The following UGT1A5 variants were observed in gnomAD, a reference collection of about 807,000 sequenced individuals.
UGT1A5 encodes the protein UDP glucuronosyltransferase family 1 member A5.
A neutral mutation model predicts 40.3 loss-of-function variants in UGT1A5; 29 were observed. That is an observed-to-expected ratio of 0.72 (90% CI 0.54 to 0.98). UGT1A5 has a LOEUF of 0.98. Among genes scored for constraint, UGT1A5 ranks in the 50% least tolerant of loss-of-function variants. The pLI, the probability that UGT1A5 is intolerant of heterozygous loss-of-function variation, is 0.00. For missense variants in UGT1A5, 678 were observed against 677.9 expected (o/e 1.00, Z 0.00); for synonymous variants, 257 against 262.5 (o/e 0.98, Z 0.20).
chr2:233,712,975 C>T lies in UGT1A5; in HGVS notation c.-17C>T, dbSNP rs558021110. The T allele has an allele frequency of 9.5e-5, 154 of 1,613,050 alleles. No individual in the cohort carries two copies. The highest frequency in any genetic ancestry group is 7.8e-4 in the Middle Eastern group (4 of 5,118). On this transcript the variant is annotated 5_prime_UTR_variant, in exon 1 of 5. Coordinates refer to ENST00000373414, the MANE Select transcript of UGT1A5 (RefSeq NM_019078.2). ...CAACGTGGGGTGGACAGTCAGCTGT[C>T]GGTGGCTTCTGCTGAGATGGCCACA...
rs767607575 is a variant in UGT1A5, at chr2:233,760,238, A to G, written c.868-6796A>G. ...GTGTATCGATTGGTTTTTGCCATATATATATATATAAGTAGGAGAGGGCGA... is the reference window on the plus strand; with the variant it reads ...GTGTATCGATTGGTTTTTGCCATATGTATATATATAAGTAGGAGAGGGCGA... On this transcript the variant is annotated intron_variant, in intron 1 of 4. Transcript: ENST00000373414. The G allele has an allele frequency of 3.7e-6, 6 of 1,606,676 alleles. No homozygotes were observed. Among genetic ancestry groups the G allele is most frequent in the Admixed American group, 3.3e-5 (2 of 59,932 alleles).
chr2:233,760,472 C>G lies in UGT1A5; in HGVS notation c.868-6562C>G, dbSNP rs1344623676. 2 of 1,614,230 alleles carry G rather than the reference C, an allele frequency of 1.2e-6. No individual in the cohort carries two copies. The highest frequency in any genetic ancestry group is 1.7e-6 in the Non-Finnish European group (2 of 1,180,034). ...GGACATGAAATAGTTGTCCTAGCACCTGACGCCTCGTTGTACATCAGAGAC... is the reference window on the plus strand; with the variant it reads ...GGACATGAAATAGTTGTCCTAGCACGTGACGCCTCGTTGTACATCAGAGAC... On this transcript the variant is annotated intron_variant, in intron 1 of 4. Coordinates refer to ENST00000373414, the MANE Select transcript of UGT1A5 (RefSeq NM_019078.2).
At chr2:233,730,703 G>A (rs1238430007) in intron 1 of UGT1A5, among the ~76,000 whole-genome samples, 8 of 152,058 alleles carry the variant, frequency 5.3e-5, no homozygotes, top group Non-Finnish European at 8.8e-5. Flanking sequence ...TCTTCTACTT[G>A]GAATGCTGAA....
rs28900406 is a variant in UGT1A5, at chr2:233,772,385, C to T, written c.1431C>T (p.Pro477=). Residue 477 remains proline (P), a synonymous_variant, in exon 5 of 5, where the codon CCC becomes CCT. Transcript: ENST00000373414. ...MRHKGAPHLR[P]AAHDLTWYQY... ...ACAAGGGCGCGCCACACCTGCGCCC[C>T]GCAGCCCACGACCTCACCTGGTACC... The T allele has an allele frequency of 7.5e-4, 1,213 of 1,614,246 alleles. 13 individuals are homozygous for T. The African/African-American group carries it at 0.014, about 19-fold the overall frequency.
intron 1 of UGT1A5, among the ~76,000 whole-genome samples, chr2:233,725,254 CA>C (rs1559370489): frequency 1.4e-5 from 1 of 71,856 alleles, no homozygotes; most frequent in Non-Finnish European, 2.5e-5. Flanking sequence ...GCAGAGGAGG[CA>C]GAGGCAGAGG....
intron 1 of UGT1A5, among the ~76,000 whole-genome samples, chr2:233,737,688 T>C (rs2078910745): frequency 6.6e-6 from 1 of 152,202 alleles, no homozygotes; most frequent in Non-Finnish European, 1.5e-5. Context: ...TGGCCATTGG[T>C]GCTGAAGCTT....
chr2:233,747,613 A>T, intron 1 of UGT1A5: 1 of 1,574,722 alleles, frequency 6.4e-7, no homozygotes, highest in Non-Finnish European at 8.7e-7. Context: ...CTACTGCATA[A>T]TGAGGCCCTG....
chr2:233,724,182 C>T (rs1411199563), intron 1 of UGT1A5, among the ~76,000 whole-genome samples: 18 of 119,544 alleles, frequency 1.5e-4, no homozygotes, highest in African/African-American at 3.0e-4. Flanking sequence ...ATCTCCCTCC[C>T]GGACGGGGTG....
intron 1 of UGT1A5, chr2:233,729,861 G>A (rs760591415): frequency 6.8e-6 from 11 of 1,613,756 alleles, no homozygotes; most frequent in Non-Finnish European, 8.5e-7. Flanking sequence ...AGGTGTCAGT[G>A]GTGGATATTC....
intron 1 of UGT1A5, among the ~76,000 whole-genome samples, chr2:233,761,417 G>A (rs1445848635): frequency 6.6e-6 from 1 of 152,202 alleles, no homozygotes; most frequent in Non-Finnish European, 1.5e-5. Context: ...GAAACAACAA[G>A]CTGTTAAATG....
chr2:233,772,026 TG>T lies in UGT1A5; in HGVS notation c.1308-234del, dbSNP rs35071442. On this transcript the variant is annotated intron_variant, in intron 4 of 4. Transcript: ENST00000373414. Reference sequence around the variant, plus strand: ...TACTCTGGAGGCTGAGGCAGGAGGATGGCTTGAGCCCAGGAGTTGGAGGCTG... The same window carrying T: ...TACTCTGGAGGCTGAGGCAGGAGGATGCTTGAGCCCAGGAGTTGGAGGCTG... 2.7e-3 allele frequency among the ~76,000 whole-genome samples: 414 copies of T among 152,300 alleles called. 2 individuals carry two copies. Among genetic ancestry groups the T allele is most frequent in the African/African-American group, 9.1e-3 (379 of 41,546 alleles).
At chr2:233,739,410 G>A (rs1691084493) in intron 1 of UGT1A5, among the ~76,000 whole-genome samples, 1 of 152,204 alleles carries the variant, frequency 6.6e-6, no homozygotes, top group Non-Finnish European at 1.5e-5. Flanking sequence ...GCCACCCTCT[G>A]AAAGCAGCCA....
chr2:233,772,746 T>C lies in UGT1A5; in HGVS notation c.*187T>C. On this transcript the variant is annotated 3_prime_UTR_variant, in exon 5 of 5. Coordinates refer to ENST00000373414, the MANE Select transcript of UGT1A5 (RefSeq NM_019078.2). ...ATAGACTCGCTAGTCAGTAAAGATA[T>C]TTGAATATGTATCGTGCCCCCTCTG... The C allele has an allele frequency of 7.0e-7, 1 of 1,422,530 alleles. No individual in the cohort carries two copies. 88.1% of individuals were successfully genotyped at this position (1,422,530 alleles called of 1,614,324 possible).
intron 1 of UGT1A5, chr2:233,719,580 G>T (rs369777528): frequency 6.2e-7 from 1 of 1,613,916 alleles, no homozygotes; most frequent in South Asian, 1.1e-5. Flanking sequence ...CTATGCATCC[G>T]TGTGGCTGTT....
intron 1 of UGT1A5, among the ~76,000 whole-genome samples, chr2:233,764,077 A>T (rs1698472611): frequency 6.6e-6 from 1 of 152,230 alleles, no homozygotes; most frequent in Non-Finnish European, 1.5e-5. Flanking sequence ...GGGAAAATCT[A>T]ATTAAAAGCC....
intron 1 of UGT1A5, among the ~76,000 whole-genome samples, chr2:233,765,604 G>C (rs986298003): frequency 6.6e-5 from 10 of 151,976 alleles, no homozygotes; most frequent in African/African-American, 2.2e-4. Context: ...CAGGGCTTGT[G>C]GCGGGGTGAG....
intron 1 of UGT1A5, among the ~76,000 whole-genome samples, chr2:233,751,872 G>C (rs151015857): frequency 6.6e-6 from 1 of 152,110 alleles, no homozygotes; most frequent in Non-Finnish European, 1.5e-5. Context: ...AAATTACCCC[G>C]TCTTGGGTAT....
intron 1 of UGT1A5, chr2:233,753,518 C>T (rs1032528502): frequency 5.9e-5 from 9 of 152,196 alleles, no homozygotes; most frequent in Non-Finnish European, 1.0e-4. Flanking sequence ...AGTTGTTGCC[C>T]TTTTGCTCTC....
intron 1 of UGT1A5, chr2:233,755,206 C>T (rs1478561208): frequency 9.3e-7 from 1 of 1,072,996 alleles, no homozygotes; most frequent in Non-Finnish European, 1.3e-6. Flanking sequence ...TTGCGGTACG[C>T]CTTCTTGATA....
Sources: gnomAD v4.1 joint callset for allele counts (sites outside exome capture counted in the v4.1 genomes callset) on GRCh38, gnomAD v4.1.1 for gene constraint, MANE v1.5 for transcripts, NCBI Gene and HGNC (gene_info 2026-07-23, HGNC 2026-07-21) for gene names.